The following SMURF1 variants were observed in gnomAD, a reference collection of about 807,000 sequenced individuals.
SMURF1 encodes E3 ubiquitin-protein ligase SMURF1.
SMURF1 carries 44 observed loss-of-function variants against 98.0 expected under a neutral mutation model. That is an observed-to-expected ratio of 0.45 (90% confidence interval 0.35 to 0.58). SMURF1 has a LOEUF of 0.58. Ranked by LOEUF, SMURF1 falls within the 20% of genes least tolerant of loss-of-function variation. The pLI is 0.00. For synonymous variants in SMURF1, 396 were observed against 374.9 expected, an observed-to-expected ratio of 1.06 and a Z score of -0.65; for missense variants, 687 against 938.4, an observed-to-expected ratio of 0.73 and a Z score of 3.50.
intron 9 of SMURF1, 86 bp from the exon 10 acceptor site, chr7:99,047,968 G>A (rs751418598): frequency 2.6e-4 from 326 of 1,231,780 alleles, no homozygotes; most frequent in Middle Eastern, 1.4e-3. Flanking sequence ...GGTCAGAGGA[G>A]AGAGCTAGCT....
At position 99,115,327 on chromosome 7, in the gene SMURF1, T is replaced by C. The variant is rs117955058; in HGVS notation, c.55+28399A>G. Among the ~76,000 whole-genome samples, 36 of 152,238 alleles carry C rather than the reference T, an allele frequency of 2.4e-4. No individual in the cohort carries two copies. In the East Asian group the frequency reaches 6.9e-3, roughly 29 times the overall value. ...TGGGGACACGGGCCAGTGCAGTGGC[T>C]CATGTCTGTAATCCCAGCACTTTGC... On this transcript the variant is annotated intron_variant, in intron 1 of 17. Transcript: ENST00000361368.
intron 3 of SMURF1, among the ~76,000 whole-genome samples, chr7:99,059,376 C>T (rs1233201273): frequency 1.5e-4 from 20 of 137,228 alleles, no homozygotes; most frequent in South Asian, 2.2e-4. Flanking sequence ...CCAGCCTGGG[C>T]GACAGAGCAA....
chr7:99,106,292 A>C (rs1228285485), intron 1 of SMURF1, among the ~76,000 whole-genome samples: 1 of 152,236 alleles, frequency 6.6e-6, no homozygotes, highest in African/African-American at 2.4e-5. Context: ...CAAACTGGAA[A>C]ATATCAAAGA....
rs574642067 is a variant in SMURF1 at position 99,037,127 on chromosome 7, C to T, written c.1749G>A (p.Lys583=). 4.5e-5 allele frequency: 73 copies of T among 1,614,178 alleles called. No homozygotes were observed. Among genetic ancestry groups the T allele is most frequent in the Middle Eastern group, 1.7e-4 (1 of 6,026 alleles). Residue 583 remains lysine (K), a synonymous_variant, in exon 15 of 18, where the codon AAG becomes AAA. Transcript: ENST00000361368. ...GIEAQFLALQ[K]GFNELIPQHL... ...GTTGAGGGATGAGCTCATTGAACCCCTTCTGCAGAGCTAAGAACTGGGCTT... is the reference window on the plus strand; with the variant it reads ...GTTGAGGGATGAGCTCATTGAACCCTTTCTGCAGAGCTAAGAACTGGGCTT...
Position 99,079,659 on chromosome 7 carries a change from CA to C in SMURF1, c.56-17823del, listed in dbSNP as rs971269434. ...TGCATTCATTCACTAAATGTAACCC[CA>C]AAAAAAAATCCGCACTAAATATACA... is the stretch of plus-strand genomic sequence containing the variant. On this transcript the variant is annotated intron_variant, in intron 1 of 17. Transcript: ENST00000361368. Among the ~76,000 whole-genome samples the C allele has an allele frequency of 8.6e-5, 13 of 150,868 alleles. No homozygotes were observed. In the East Asian group the frequency reaches 1.5e-3, roughly 18 times the overall value.
chr7:99,054,395 C>T (rs541519636), intron 6 of SMURF1, among the ~76,000 whole-genome samples: 1 of 152,278 alleles, frequency 6.6e-6, no homozygotes, highest in South Asian at 2.1e-4. Flanking sequence ...CAACCCCCTC[C>T]TCCCGGGTTC....
chr7:99,090,914 A>C (rs1317973401), intron 1 of SMURF1, among the ~76,000 whole-genome samples: 1 of 152,204 alleles, frequency 6.6e-6, no homozygotes, highest in Non-Finnish European at 1.5e-5. Context: ...CTCAGGTCTC[A>C]AAGTGACAGC....
chr7:99,097,492 G>A (rs773676131), intron 1 of SMURF1, among the ~76,000 whole-genome samples: 18 of 152,134 alleles, frequency 1.2e-4, no homozygotes, highest in Non-Finnish European at 1.9e-4. Flanking sequence ...AAAAGGGCTC[G>A]AGGCTGTGAG....
chr7:99,060,825 T>C, intron 2 of SMURF1, 118 bp from the exon 3 acceptor site: 1 of 609,144 alleles, frequency 1.6e-6, no homozygotes, highest in Non-Finnish European at 2.8e-6. Context: ...ATAAGTTATG[T>C]CTATTGAGCT....
At chr7:99,107,045 T>A (rs1797208728) in intron 1 of SMURF1, among the ~76,000 whole-genome samples, 1 of 152,172 alleles carries the variant, frequency 6.6e-6, no homozygotes, top group South Asian at 2.1e-4. Flanking sequence ...TAAAAGTACA[T>A]TCATGTGTCA....
chr7:99,125,936 C>G (rs1476597957), intron 1 of SMURF1, among the ~76,000 whole-genome samples: 1 of 152,218 alleles, frequency 6.6e-6, no homozygotes, highest in East Asian at 1.9e-4. Context: ...TCCGTCTGAC[C>G]TGCAAAGCAG....
intron 1 of SMURF1, among the ~76,000 whole-genome samples, chr7:99,110,222 A>G (rs1001566200): frequency 6.6e-6 from 1 of 152,252 alleles, no homozygotes; most frequent in Non-Finnish European, 1.5e-5. Flanking sequence ...TTAAAGCAAC[A>G]GTGAAAAAAG....
At chr7:99,064,687 A>G (rs1429560548) in intron 1 of SMURF1, among the ~76,000 whole-genome samples, 3 of 152,228 alleles carry the variant, frequency 2.0e-5, no homozygotes, top group African/African-American at 7.2e-5. Flanking sequence ...ATTCCTTGAT[A>G]ATATTTCTGT....
chr7:99,084,934 G>A (rs1563021958), intron 1 of SMURF1, among the ~76,000 whole-genome samples: 1 of 152,184 alleles, frequency 6.6e-6, no homozygotes, highest in Non-Finnish European at 1.5e-5. Context: ...TGTATAGTGA[G>A]TTCTCAGAAG....
chr7:99,135,447 A>C (rs1280783486), intron 1 of SMURF1, among the ~76,000 whole-genome samples: 1 of 152,196 alleles, frequency 6.6e-6, no homozygotes, highest in African/African-American at 2.4e-5. Flanking sequence ...ACCTATCTAT[A>C]GATTTCCCCC....
rs199628064 is a variant in SMURF1, at chr7:99,042,166, C to T, written c.1323G>A (p.Thr441=). ...TTATTTGCAACATGTAAATATTGTC[C>T]GTAGAATACTGGAAGAGCCCGTAAT... ...NPYYGLFQYS[T]DNIYMLQINP... is the part of the protein sequence containing the mutation. The change falls in exon 12 of 18, where the codon ACG becomes ACA. Residue 441 remains threonine, a synonymous_variant. Coordinates refer to ENST00000361368, the MANE Select transcript of SMURF1 (RefSeq NM_181349.3). 9.0e-5 allele frequency: 145 copies of T among 1,614,038 alleles called. No individual in the cohort carries two copies. Among genetic ancestry groups the T allele is most frequent in the Admixed American group, 5.8e-4 (35 of 60,016 alleles).
intron 1 of SMURF1, among the ~76,000 whole-genome samples, chr7:99,135,986 A>G (rs1198346742): frequency 1.3e-5 from 2 of 152,228 alleles, no homozygotes; most frequent in Non-Finnish European, 2.9e-5. Context: ...TTTGTTTAGT[A>G]TGAATAGGGC....
chr7:99,143,217 G>T (rs1173221030), intron 1 of SMURF1, among the ~76,000 whole-genome samples: 3 of 121,022 alleles, frequency 2.5e-5, no homozygotes, highest in South Asian at 3.2e-4. Context: ...GAAAGGTGGG[G>T]AAGAGAAAGG....
chr7:99,068,946 G>A (rs1338508623), intron 1 of SMURF1, among the ~76,000 whole-genome samples: 1 of 152,126 alleles, frequency 6.6e-6, no homozygotes, highest in Non-Finnish European at 1.5e-5. Context: ...TTTCCCAAAC[G>A]TCAGTCTGTG....
Sources: allele counts gnomAD v4.1 joint callset (sites outside exome capture counted in the v4.1 genomes callset), GRCh38; gene constraint gnomAD v4.1.1; transcripts MANE v1.5; gene names NCBI Gene and HGNC (gene_info 2026-07-23, HGNC 2026-07-21).